Variants in YTHDC1 observed in about 807,000 individuals in gnomAD.
The protein encoded by YTHDC1 is YTH domain-containing protein 1.
YTHDC1 carries 12 observed loss-of-function variants against 107.0 expected under a neutral mutation model. That is an observed-to-expected ratio of 0.11 (90% confidence interval 0.07 to 0.18). The LOEUF (loss-of-function observed/expected upper bound fraction) is 0.18, where lower values mean the gene tolerates loss of function less well. Ranked by LOEUF, YTHDC1 falls within the 10% of genes least tolerant of loss-of-function variation. The pLI is 1.00. For missense variants in YTHDC1, 635 were observed against 898.8 expected (o/e 0.71, Z 3.75); for synonymous variants, 280 against 289.5 (o/e 0.97, Z 0.33).
At chr4:68,328,606 A>G (rs1234659959) in intron 9 of YTHDC1, among the ~76,000 whole-genome samples, 1 of 152,204 alleles carries the variant, frequency 6.6e-6, no homozygotes, top group Non-Finnish European at 1.5e-5. Context: ...TAATTTAACT[A>G]ATTTTCTATT....
In YTHDC1 at chr4:68,324,187, G is replaced by A; in HGVS notation, c.1386C>T (p.Thr462=). The change falls in exon 10 of 17, where the codon ACC becomes ACT. Residue 462 remains threonine (T), a synonymous_variant. Transcript: ENST00000344157. Reference sequence around the variant, plus strand: ...CTGGTTTATGTTCATTCCAAGGATTGGTGAGATGAGCCGACTTAGTGAAGG... The same window carrying A: ...CTGGTTTATGTTCATTCCAAGGATTAGTGAGATGAGCCGACTTAGTGAAGG... ...ELPFTKSAHL[T]NPWNEHKPVK... 1 of 1,613,930 alleles carries A rather than the reference G, an allele frequency of 6.2e-7. No individual in the cohort carries two copies. Among genetic ancestry groups the A allele is most frequent in the South Asian group, 1.1e-5 (1 of 91,070 alleles).
At chr4:68,341,758 G>C (rs1017484590) in intron 1 of YTHDC1, among the ~76,000 whole-genome samples, 1 of 152,048 alleles carries the variant, frequency 6.6e-6, no homozygotes, top group Non-Finnish European at 1.5e-5. Flanking sequence ...AATATACAAG[G>C]GGAAAAGTCT....
chr4:68,325,405 T>C (rs764726623), intron 9 of YTHDC1, among the ~76,000 whole-genome samples: 1 of 152,080 alleles, frequency 6.6e-6, no homozygotes, highest in Non-Finnish European at 1.5e-5. Context: ...TGTAGAGAAC[T>C]AAGGCAGGGA....
rs1438335515 is a variant in YTHDC1 at position 68,349,859 on chromosome 4, T to A, written c.-106A>T. 1 of 1,526,080 alleles carries A rather than the reference T, an allele frequency of 6.6e-7. No homozygotes were observed. The highest frequency in any genetic ancestry group is 9.0e-7 in the Non-Finnish European group (1 of 1,109,876). 94.5% of individuals were successfully genotyped at this position (1,526,080 alleles called of 1,614,324 possible). A position where few individuals can be genotyped will look rare whatever the true frequency, so the allele number is the denominator to read the frequency against. On this transcript the variant is annotated 5_prime_UTR_variant, in exon 1 of 17. Transcript: ENST00000344157. ...GCACGGGCCCGTCCGTCAGTCCGTC[T>A]GCCCGGATACGCGCGTCGCACTTGG...
chr4:68,342,711 A>C (rs948919764), intron 1 of YTHDC1, among the ~76,000 whole-genome samples: 21 of 152,230 alleles, frequency 1.4e-4, no homozygotes, highest in Non-Finnish European at 2.8e-4. Flanking sequence ...TGACTTGAAA[A>C]AGTACACTTT....
intron 9 of YTHDC1, among the ~76,000 whole-genome samples, chr4:68,324,716 T>C (rs1722796131): frequency 6.6e-6 from 1 of 152,174 alleles, no homozygotes; most frequent in Non-Finnish European, 1.5e-5. Flanking sequence ...CCTGTTCAAG[T>C]GTACTTCCTC....
intron 9 of YTHDC1, among the ~76,000 whole-genome samples, chr4:68,328,476 T>C (rs957155564): frequency 2.6e-5 from 4 of 152,212 alleles, no homozygotes; most frequent in Admixed American, 6.5e-5. Flanking sequence ...GAGAAAGCAC[T>C]AACAGTCTCA....
chr4:68,322,188 A>G lies in YTHDC1; in HGVS notation c.1601+561T>C, dbSNP rs1722512427. 1.3e-5 allele frequency among the ~76,000 whole-genome samples: 2 copies of G among 152,206 alleles called. No homozygotes were observed. Among genetic ancestry groups the G allele is most frequent in the South Asian group, 4.1e-4 (2 of 4,830 alleles). On this transcript the variant is annotated intron_variant, in intron 11 of 16. Coordinates refer to ENST00000344157, the MANE Select transcript of YTHDC1 (RefSeq NM_001031732.4). This position sits in a 1 kb window ranked among gnomAD's most constrained non-coding sequence, Gnocchi z 4.8. ...TACATGTTAGAGAATATTTGGCAAT[A>G]GGGTTAACACATCACGGTGATAAAA...
rs139606839 is a variant in YTHDC1, at chr4:68,314,183, A to G, written c.2100T>C (p.Asp700=). ...TTTCTCTTTCTCTATCACGTCCTCT[A>G]TCTCGCTCTCTGTCTCGTCTGTTAT... ...PRDNRRDRER[D]RGRDRERERE... is the part of the protein sequence containing the mutation. Residue 700 remains aspartate (D), a synonymous_variant, in exon 17 of 17, where the codon GAT becomes GAC. Transcript: ENST00000344157. 3 of 1,613,388 alleles carry G rather than the reference A, an allele frequency of 1.9e-6. No individual in the cohort carries two copies. The highest frequency in any genetic ancestry group is 1.1e-5 in the South Asian group (1 of 90,994).
intron 9 of YTHDC1, among the ~76,000 whole-genome samples, chr4:68,329,269 T>G (rs897215665): frequency 5.3e-5 from 8 of 152,178 alleles, no homozygotes; most frequent in Admixed American, 6.5e-5. Context: ...CCCCATAGTT[T>G]GTTTCCATGC....
chr4:68,349,643 C>T, intron 1 of YTHDC1, 83 bp downstream of exon 1: 2 of 399,228 alleles, frequency 5.0e-6, no homozygotes, highest in African/African-American at 2.3e-5. Flanking sequence ...CCCCACCCCC[C>T]ACCCCCAACG....
chr4:68,333,367 C>T lies in YTHDC1; in HGVS notation c.914G>A (p.Arg305Lys), dbSNP rs781059110. 2.5e-6 allele frequency: 4 copies of T among 1,612,120 alleles called. 1 individual carries two copies. The South Asian group carries it at 4.4e-5, about 18-fold the overall frequency. ...ATCAAAAACAATTGGAGATATGCCT[C>T]TAGCTCTCTTCCTTTCCTTCTTTTT... ...DEKKKERKRA[R>K]GISPIVFDRS... is the part of the protein sequence containing the mutation. Residue 305 changes from arginine to lysine, a missense_variant, in exon 5 of 17, where the codon AGA becomes AAA. Physicochemically the swap from Arg to Lys is conservative, Grantham distance 26. Transcript: ENST00000344157.
intron 9 of YTHDC1, among the ~76,000 whole-genome samples, chr4:68,327,397 C>A (rs1042020109): frequency 7.0e-6 from 1 of 143,580 alleles, no homozygotes; most frequent in South Asian, 2.4e-4. Flanking sequence ...CAGGTGGCAA[C>A]CTTAATAAGT....
chr4:68,349,642 C>CCCCCCCCAA, intron 1 of YTHDC1, 84 bp downstream of exon 1: 1 of 396,688 alleles, frequency 2.5e-6, no homozygotes, highest in South Asian at 1.9e-5. Flanking sequence ...CCCCCACCCC[C>CCCCCCCCAA]CACCCCCAAC....
rs1178158112 is a variant in YTHDC1 at position 68,337,011 on chromosome 4, A to G, written c.883+16T>C. On this transcript the variant is annotated intron_variant, in intron 4 of 16. Transcript: ENST00000344157. ...AGCTTTTTTTAAGACAAACTTTTAC[A>G]TATAAAAAGTAGTACCTGATCCATC... 2.6e-6 allele frequency: 4 copies of G among 1,554,538 alleles called. No homozygotes were observed. The highest frequency in any genetic ancestry group is 1.7e-6 in the Non-Finnish European group (2 of 1,152,006).
chr4:68,338,999 TTC>T (rs2109733513), intron 1 of YTHDC1, among the ~76,000 whole-genome samples: 1 of 152,350 alleles, frequency 6.6e-6, no homozygotes, highest in South Asian at 2.1e-4. Flanking sequence ...TTTCTAATAT[TTC>T]TGAGGGCTTT....
intron 9 of YTHDC1, among the ~76,000 whole-genome samples, chr4:68,326,336 C>T (rs552137883): frequency 8.4e-4 from 128 of 152,206 alleles, no homozygotes; most frequent in African/African-American, 3.0e-3. Context: ...ACTGTGAAGC[C>T]TGAGGCAAAA....
At chr4:68,339,863 G>A (rs1205134249) in intron 1 of YTHDC1, among the ~76,000 whole-genome samples, 1 of 152,146 alleles carries the variant, frequency 6.6e-6, no homozygotes, top group Non-Finnish European at 1.5e-5. Context: ...CAATGATCAT[G>A]AAAGCATAAA....
chr4:68,333,027 T>C (rs1723766083), intron 5 of YTHDC1, among the ~76,000 whole-genome samples, 180 bp from the exon 6 acceptor site: 1 of 152,178 alleles, frequency 6.6e-6, no homozygotes, highest in African/African-American at 2.4e-5. Flanking sequence ...TGTTTGGATT[T>C]TTTTAAAAGT....
Sources: gnomAD v4.1 joint callset for allele counts (sites outside exome capture counted in the v4.1 genomes callset) on GRCh38, gnomAD v4.1.1 for gene constraint, Gnocchi (gnomAD v3.1) non-coding constraint, MANE v1.5 for transcripts, NCBI Gene and HGNC (gene_info 2026-07-23, HGNC 2026-07-21) for gene names.